Variants in CACNA1G observed in about 807,000 individuals in gnomAD.
CACNA1G encodes the protein calcium voltage-gated channel subunit alpha1 G.
A neutral mutation model predicts 219.4 loss-of-function variants in CACNA1G; 67 were observed. The observed-to-expected ratio is 0.31, with a 90% CI of 0.25 to 0.37. The LOEUF (loss-of-function observed/expected upper bound fraction) is 0.37. Ranked by LOEUF, CACNA1G falls within the 10% of genes least tolerant of loss-of-function variation. CACNA1G has a pLI of 1.00. For synonymous variants in CACNA1G, 1,296 were observed against 1,345.3 expected (o/e 0.96, Z 0.80); for missense variants, 2,380 against 3,231.4 (o/e 0.74, Z 6.39).
rs115727953 is a variant in CACNA1G at position 50,577,740 on chromosome 17, G to A, written c.1925-448G>A. Reference sequence around the variant, plus strand: ...CATGTGTACACGAGTGTGCGCATCTGGAGCACGTGTGCAGGTGCACGTGTC... The same window carrying A: ...CATGTGTACACGAGTGTGCGCATCTAGAGCACGTGTGCAGGTGCACGTGTC... On this transcript the variant is annotated intron_variant, in intron 8 of 37. Transcript: ENST00000359106. Among the ~76,000 whole-genome samples the A allele has an allele frequency of 8.2e-3, 1,243 of 151,806 alleles. 20 individuals carry two copies. Among genetic ancestry groups the A allele is most frequent in the African/African-American group, 0.028 (1,171 of 41,348 alleles).
In CACNA1G at chr17:50,573,059, T is replaced by G; in HGVS notation, c.1086T>G (p.Phe362Leu). ...AGGGCTGGGTCGACATCATGTACTT[T>G]GTGATGGATGCTCATTCCTTCTACA... Reference protein sequence around the residue: ...TLEGWVDIMYFVMDAHSFYNF... With the variant: ...TLEGWVDIMYLVMDAHSFYNF... The change falls in exon 7 of 38, where the codon TTT becomes TTG. Residue 362 changes from phenylalanine (F) to leucine (L), a missense_variant. Transcript: ENST00000359106. 6.3e-7 allele frequency: 1 copy of G among 1,579,148 alleles called. No homozygotes were observed. Among genetic ancestry groups the G allele is most frequent in the Non-Finnish European group, 8.6e-7 (1 of 1,161,506 alleles).
At position 50,618,607 on chromosome 17, in the gene CACNA1G, C is replaced by T. The variant is rs766732925; in HGVS notation, c.5428-48C>T. The T allele has an allele frequency of 7.7e-6, 11 of 1,433,476 alleles. No homozygotes were observed. In the African/African-American group the frequency reaches 1.1e-4, roughly 15 times the overall value. 88.8% of individuals were successfully genotyped at this position (1,433,476 alleles called of 1,614,324 possible). On this transcript the variant is annotated intron_variant, in intron 32 of 37. Transcript: ENST00000359106. This position sits in a 1 kb window ranked among gnomAD's most constrained non-coding sequence, Gnocchi z 5.3. ...AGTGACCTGATTTTCCACAACAGCT[C>T]CAACAACTGTCCTCCCCAGCCTCAC...
intron 1 of CACNA1G, chr17:50,562,219 T>A (rs2036010852): frequency 6.5e-6 from 1 of 153,558 alleles, no homozygotes; most frequent in Non-Finnish European, 1.4e-5. Flanking sequence ...CCCCAAAGTT[T>A]GCGGCGGATT....
rs373108084 is a variant in CACNA1G at position 50,578,380 on chromosome 17, G to C, written c.2117G>C (p.Arg706Pro). 2 of 1,613,256 alleles carry C rather than the reference G, an allele frequency of 1.2e-6. No individual in the cohort carries two copies. The highest frequency in any genetic ancestry group is 2.2e-5 in the East Asian group (1 of 44,882). ...CAGGATGCCCAGCACAGCGACCTCC[G>C]GGACCCCCACAGCCGGCGGCAACGG... is the stretch of plus-strand genomic sequence containing the variant. ...FTQDAQHSDL[R>P]DPHSRRQRSL... The change falls in exon 9 of 38, where the codon CGG (arginine) becomes CCG (proline). Residue 706 changes from arginine (R) to proline (P), a missense_variant. Physicochemically the swap from Arg to Pro is moderately radical, Grantham distance 103. Coordinates refer to ENST00000359106, the MANE Select transcript of CACNA1G (RefSeq NM_018896.5). The surrounding 1 kb of genome is among the most constrained non-coding windows in gnomAD (Gnocchi z 4.5).
At chr17:50,581,931 C>T (rs1180206133) in intron 9 of CACNA1G, among the ~76,000 whole-genome samples, 1 of 152,198 alleles carries the variant, frequency 6.6e-6, no homozygotes, top group Admixed American at 6.5e-5. Context: ...ATAATAAAGT[C>T]CTGATCTGTA....
rs563473980 is a variant in CACNA1G, at chr17:50,610,744, T to C, written c.4759+809T>C. Among the ~76,000 whole-genome samples the C allele has an allele frequency of 1.4e-4, 22 of 152,340 alleles. No homozygotes were observed. The East Asian group carries it at 3.7e-3, about 25-fold the overall frequency. On this transcript the variant is annotated intron_variant, in intron 26 of 37. Coordinates refer to ENST00000359106, the MANE Select transcript of CACNA1G (RefSeq NM_018896.5). ...ATCTCCTCCAACAGACTTCACACTT[T>C]AGAAGGCTGTCTATGAAGTTAAGAG...
At chr17:50,590,126 A>G (rs1002232083) in intron 9 of CACNA1G, among the ~76,000 whole-genome samples, 2 of 152,092 alleles carry the variant, frequency 1.3e-5, no homozygotes, top group African/African-American at 4.8e-5. Context: ...TGGGCCCGCT[A>G]GGCTTGCATT....
Position 50,568,883 on chromosome 17 carries a change from A to G in CACNA1G, c.256A>G (p.Ile86Val). 1 of 1,613,680 alleles carries G rather than the reference A, an allele frequency of 6.2e-7. No homozygotes were observed. ...GACTGCCAGTACCTGGTTTGAGCGCATCAGCATGTTGGTCATCCTTCTCAA... is the reference window on the plus strand; with the variant it reads ...GACTGCCAGTACCTGGTTTGAGCGCGTCAGCATGTTGGTCATCCTTCTCAA... ...RTVCNPWFERISMLVILLNCV... is the reference protein window; with the variant it reads ...RTVCNPWFERVSMLVILLNCV... The change falls in exon 2 of 38, where the codon ATC (isoleucine) becomes GTC (valine). Residue 86 changes from isoleucine (I) to valine (V), a missense_variant. Physicochemically the swap from Ile to Val is conservative, Grantham distance 29. This residue lies in a region of CACNA1G where 64 missense variants were observed against 103.7 expected (regional missense o/e 0.62). Transcript: ENST00000359106.
Position 50,572,767 on chromosome 17 carries a change from C to T in CACNA1G, c.960C>T (p.Tyr320=), listed in dbSNP as rs369140141. The change falls in exon 6 of 38, where the codon TAC becomes TAT. Residue 320 remains tyrosine, a synonymous_variant. Coordinates refer to ENST00000359106, the MANE Select transcript of CACNA1G (RefSeq NM_018896.5). ...CCTGTGTCAACTGGAACCAGTACTA[C>T]ACCAACTGCTCAGCGGGGGAGCACA... The part of the protein sequence containing the change: ...NTTCVNWNQY[Y]TNCSAGEHNP... 6 of 1,613,940 alleles carry T rather than the reference C, an allele frequency of 3.7e-6. No homozygotes were observed. In the African/African-American group the frequency reaches 5.3e-5, roughly 14 times the overall value.
At chr17:50,592,182 A>G in intron 13 of CACNA1G, 90 bp downstream of exon 13, 1 of 1,392,140 alleles carries the variant, frequency 7.2e-7, no homozygotes, top group Non-Finnish European at 9.8e-7. Flanking sequence ...TCTGTTGCCA[A>G]CTTTGGGGGC....
chr17:50,618,632 C>T lies in CACNA1G; in HGVS notation c.5428-23C>T, dbSNP rs763704033. The stretch of plus-strand genomic sequence containing the variant: ...CCAACAACTGTCCTCCCCAGCCTCA[C>T]CCCTCTATTCCACCCTCCCCAGGAC... On this transcript the variant is annotated intron_variant, in intron 32 of 37. Transcript: ENST00000359106. The surrounding 1 kb of genome is among the most constrained non-coding windows in gnomAD (Gnocchi z 5.3). 6 of 1,561,538 alleles carry T rather than the reference C, an allele frequency of 3.8e-6. No homozygotes were observed. The South Asian group carries it at 6.7e-5, about 17-fold the overall frequency.
At chr17:50,619,868 TGG>T (rs747669497) in intron 34 of CACNA1G, 42 bp downstream of exon 34, 1 of 1,554,618 alleles carries the variant, frequency 6.4e-7, no homozygotes, top group South Asian at 1.2e-5. Flanking sequence ...CTGACCGTGC[TGG>T]GCTGTGCCAC....
rs1164404189 is a variant in CACNA1G, at chr17:50,576,988, G to A, written c.1924+662G>A. 2.6e-5 allele frequency among the ~76,000 whole-genome samples: 4 copies of A among 152,252 alleles called. No homozygotes were observed. In the East Asian group the frequency reaches 5.8e-4, roughly 22 times the overall value. On this transcript the variant is annotated intron_variant, in intron 8 of 37. Coordinates refer to ENST00000359106, the MANE Select transcript of CACNA1G (RefSeq NM_018896.5). ...GACGTCGGGCTCTCCCCAGCAGACA[G>A]GTTCACTGTAGCTGCAGCCCACGGC...
At position 50,621,883 on chromosome 17, in the gene CACNA1G, G is replaced by A; in HGVS notation, c.6060+89G>A. Reference sequence around the variant, plus strand: ...AGATCGGCCCAGGGAGGGTCCTGGGGCCGCCTCCTCTCAGTTTGCTGCCAG... The same window carrying A: ...AGATCGGCCCAGGGAGGGTCCTGGGACCGCCTCCTCTCAGTTTGCTGCCAG... On this transcript the variant is annotated intron_variant, in intron 35 of 37. Transcript: ENST00000359106. This position sits in a 1 kb window ranked among gnomAD's most constrained non-coding sequence, Gnocchi z 4.6. 7.0e-7 allele frequency: 1 copy of A among 1,429,672 alleles called. No individual in the cohort carries two copies. The allele number at this position is 1,429,672 out of a possible 1,614,324, so 88.6% of individuals were successfully genotyped here.
At chr17:50,625,171 C>T (rs1267813821) in intron 37 of CACNA1G, among the ~76,000 whole-genome samples, 1 of 152,126 alleles carries the variant, frequency 6.6e-6, no homozygotes, top group African/African-American at 2.4e-5. Flanking sequence ...AGGCTGAGCT[C>T]GAGCTCCCAA....
chr17:50,572,174 C>A, intron 5 of CACNA1G, 137 bp downstream of exon 5: 1 of 974,718 alleles, frequency 1.0e-6, no homozygotes, highest in Non-Finnish European at 1.5e-6. Flanking sequence ...AACTTGGCTA[C>A]CCATTGGAAC....
Position 50,569,316 on chromosome 17 carries a change from G to T in CACNA1G, c.488+18G>T, listed in dbSNP as rs2038809242. ...ATCGCAGGGTGAGGACCTGGGCTGGGGTGGGAGAGCAATGGATCAGATCGG... is the reference window on the plus strand; with the variant it reads ...ATCGCAGGGTGAGGACCTGGGCTGGTGTGGGAGAGCAATGGATCAGATCGG... On this transcript the variant is annotated intron_variant, in intron 3 of 37. Coordinates refer to ENST00000359106, the MANE Select transcript of CACNA1G (RefSeq NM_018896.5). The T allele has an allele frequency of 6.2e-7, 1 of 1,613,026 alleles. No individual in the cohort carries two copies.
chr17:50,617,807 G>A lies in CACNA1G; in HGVS notation c.5156-52G>A. ...AGCCCTGGTCCTGACTCTGCCAGCT[G>A]TCTGGCCGGGGACCCAAAGAGGCCA... On this transcript the variant is annotated intron_variant, in intron 29 of 37. Transcript: ENST00000359106. This position sits in a 1 kb window ranked among gnomAD's most constrained non-coding sequence, Gnocchi z 5.8. The A allele has an allele frequency of 2.5e-6, 4 of 1,595,066 alleles. No homozygotes were observed. The highest frequency in any genetic ancestry group is 3.4e-6 in the Non-Finnish European group (4 of 1,166,772).
At chr17:50,590,264 G>A (rs913766263) in intron 9 of CACNA1G, among the ~76,000 whole-genome samples, 7 of 152,248 alleles carry the variant, frequency 4.6e-5, no homozygotes, top group African/African-American at 1.7e-4. Flanking sequence ...GGTTTCACGT[G>A]GCCCTTTCCT....
Sources: gnomAD v4.1 joint callset for allele counts (sites outside exome capture counted in the v4.1 genomes callset) on GRCh38, gnomAD v4.1.1 for gene constraint, gnomAD v4.1.1 regional missense constraint, Gnocchi (gnomAD v3.1) non-coding constraint, MANE v1.5 for transcripts, NCBI Gene and HGNC (gene_info 2026-07-23, HGNC 2026-07-21) for gene names.